The following MDN1 variants were observed in gnomAD, a reference collection of about 807,000 sequenced individuals.
MDN1 encodes the protein midasin.
A neutral mutation model predicts 669.2 loss-of-function variants in MDN1; 266 were observed. The observed-to-expected ratio is 0.40, with a 90% CI of 0.36 to 0.44. MDN1 has a LOEUF of 0.44. Ranked by LOEUF, MDN1 falls within the 20% of genes least tolerant of loss-of-function variation. MDN1 has a pLI of 1.00. For missense variants in MDN1, 5,940 were observed against 6,754.0 expected, an observed-to-expected ratio of 0.88 and a Z score of 4.22; for synonymous variants, 2,385 against 2,457.1, an observed-to-expected ratio of 0.97 and a Z score of 0.87.
chr6:89,740,888 T>C (rs1816256931), intron 31 of MDN1, among the ~76,000 whole-genome samples: 1 of 152,140 alleles, frequency 6.6e-6, no homozygotes, highest in South Asian at 2.1e-4. Context: ...TAATCAGAAA[T>C]TTAGTGTAAT....
intron 3 of MDN1, 106 bp downstream of exon 3, chr6:89,794,471 A>T (rs1819463237): frequency 1.7e-6 from 2 of 1,143,442 alleles, no homozygotes; most frequent in Admixed American, 4.7e-5. Context: ...AAGAACAAAA[A>T]TAACAAATTT....
chr6:89,660,221 T>G (rs12055871), intron 88 of MDN1, among the ~76,000 whole-genome samples: 26,438 of 152,140 alleles, frequency 0.17, 2,362 homozygotes, highest in East Asian at 0.22. Context: ...AGTCTCGTTC[T>G]GTCACCCAAG....
At position 89,714,740 on chromosome 6, in the gene MDN1, G is replaced by A. The variant is rs114056139; in HGVS notation, c.6872C>T (p.Ser2291Leu). Residue 2291 changes from serine (S) to leucine (L), a missense_variant, in exon 46 of 102, where the codon TCG becomes TTG. By Grantham distance (145) the Ser-to-Leu change is moderately radical. Transcript: ENST00000369393. ...TPNPNFRLFL[S>L]MDPVHGDISR... Reference sequence around the variant, plus strand: ...TATATCTCCATGAACAGGATCCATCGAGAGGAAAAGTCTAGAAAAATAGCA... The same window carrying A: ...TATATCTCCATGAACAGGATCCATCAAGAGGAAAAGTCTAGAAAAATAGCA... 36 of 1,603,816 alleles carry A rather than the reference G, an allele frequency of 2.2e-5. No homozygotes were observed. In the East Asian group the frequency reaches 4.5e-4, roughly 20 times the overall value.
intron 26 of MDN1, among the ~76,000 whole-genome samples, chr6:89,748,533 G>C (rs1401281839): frequency 6.6e-6 from 1 of 152,028 alleles, no homozygotes; most frequent in Non-Finnish European, 1.5e-5. Flanking sequence ...TTGACTAGGG[G>C]GAGCCACAAA....
In MDN1 at chr6:89,707,489, T is replaced by A; in HGVS notation, c.7899-13A>T. 1 of 1,484,122 alleles carries A rather than the reference T, an allele frequency of 6.7e-7. No individual in the cohort carries two copies. Among genetic ancestry groups the A allele is most frequent in the Admixed American group, 1.7e-5 (1 of 59,680 alleles). 91.9% of individuals were successfully genotyped at this position (1,484,122 alleles called of 1,614,324 possible). On this transcript the variant is annotated splice_polypyrimidine_tract_variant and intron_variant, in intron 51 of 101. Coordinates refer to ENST00000369393, the MANE Select transcript of MDN1 (RefSeq NM_014611.3). ...ATATATGATTGTCCTGGAATGAGAT[T>A]CAAAAAACGTAACAAATAGCTATCG... is the stretch of plus-strand genomic sequence containing the variant.
At position 89,732,611 on chromosome 6, in the gene MDN1, C is replaced by T. The variant is rs143417395; in HGVS notation, c.4888G>A (p.Val1630Met). 227 of 1,614,122 alleles carry T rather than the reference C, an allele frequency of 1.4e-4. No individual in the cohort carries two copies. In the African/African-American group the frequency reaches 2.7e-3, roughly 19 times the overall value. Residue 1630 changes from valine to methionine, a missense_variant, in exon 34 of 102, where the codon GTG becomes ATG. Around this residue, in one of 5 missense-constraint regions of MDN1, gnomAD observed 2,292 missense variants for 2,638.3 expected, o/e 0.87. Coordinates refer to ENST00000369393, the MANE Select transcript of MDN1 (RefSeq NM_014611.3). ...ALKRPEIIST[V>M]TSFVHAACLV... is the part of the protein sequence containing the mutation. ...CATGCAGCATGGACAAAAGATGTCA[C>T]AGTGGAGATGATCTCTGGCCTTTTC... is the stretch of plus-strand genomic sequence containing the variant.
intron 17 of MDN1, among the ~76,000 whole-genome samples, chr6:89,761,232 G>T (rs1044251060): frequency 2.6e-5 from 4 of 152,074 alleles, no homozygotes; most frequent in African/African-American, 9.7e-5. Flanking sequence ...TTCCCTTTGA[G>T]ATATATATTG....
intron 30 of MDN1, 45 bp downstream of exon 30, chr6:89,743,531 A>G (rs1349994963): frequency 1.9e-6 from 3 of 1,590,924 alleles, no homozygotes; most frequent in East Asian, 4.5e-5. Flanking sequence ...TGCACAGCTA[A>G]CTGCAGTTTT....
intron 33 of MDN1, among the ~76,000 whole-genome samples, chr6:89,735,314 A>G (rs1305514173): frequency 6.6e-6 from 1 of 150,506 alleles, no homozygotes; most frequent in Non-Finnish European, 1.5e-5. Context: ...AAAGCAGTTC[A>G]TGTGCCTTTC....
In MDN1 at chr6:89,655,854, G is replaced by A; in HGVS notation, c.15400C>T (p.Pro5134Ser). ...VDTDSHAEQG[P>S]AQQPQAQVED... ...ACCTGGGCCTGGGGCTGCTGAGCTG[G>A]CCCCTGCTCGGCATGGCTGTCCGTA... The change falls in exon 92 of 102, where the codon CCA (proline) becomes TCA (serine). Residue 5134 changes from proline to serine, a missense_variant. Pro to Ser is a moderately conservative substitution (Grantham distance 74). Around this residue, in one of 5 missense-constraint regions of MDN1, gnomAD observed 2,280 missense variants for 2,576.3 expected, o/e 0.88. Transcript: ENST00000369393. 1 of 1,614,076 alleles carries A rather than the reference G, an allele frequency of 6.2e-7. No homozygotes were observed. The highest frequency in any genetic ancestry group is 1.3e-5 in the African/African-American group (1 of 75,028).
At chr6:89,668,369 T>G (rs1810414379) in intron 83 of MDN1, among the ~76,000 whole-genome samples, 1 of 152,198 alleles carries the variant, frequency 6.6e-6, no homozygotes, top group African/African-American at 2.4e-5. Context: ...ATTTAACATA[T>G]GACTTGACTT....
rs139425471 is a variant in MDN1, at chr6:89,718,529, T to G, written c.6420A>C (p.Ala2140=). ...RDSLLISADD[A]EVVLRAWSHF... ...GACTCCAGGCTCGCAGCACTACTTC[T>G]GCATCATCAGCACTGATAAGGAGGC... The change falls in exon 43 of 102, where the codon GCA becomes GCC. Residue 2140 remains alanine, a synonymous_variant. Transcript: ENST00000369393. 1 of 1,614,178 alleles carries G rather than the reference T, an allele frequency of 6.2e-7. No homozygotes were observed. Among genetic ancestry groups the G allele is most frequent in the Non-Finnish European group, 8.5e-7 (1 of 1,180,038 alleles).
intron 55 of MDN1, 57 bp from the exon 56 acceptor site, chr6:89,700,913 G>A: frequency 3.5e-6 from 5 of 1,439,726 alleles, no homozygotes; most frequent in Non-Finnish European, 4.8e-6. Flanking sequence ...GTTTTCTTTA[G>A]TAGCCTATAC....
chr6:89,819,629 G>GC lies in MDN1; in HGVS notation c.-23dup. 2 of 1,588,446 alleles carry GC rather than the reference G, an allele frequency of 1.3e-6. No homozygotes were observed. The highest frequency in any genetic ancestry group is 1.7e-6 in the Non-Finnish European group (2 of 1,169,724). On this transcript the variant is annotated 5_prime_UTR_variant, in exon 1 of 102. Coordinates refer to ENST00000369393, the MANE Select transcript of MDN1 (RefSeq NM_014611.3). ...CCATGACCCAGGGCCCTCACCCCGA[G>GC]CGGCCACCTGCGCTCCCTACTTCGC...
At chr6:89,758,092 T>C (rs1584326717) in intron 19 of MDN1, among the ~76,000 whole-genome samples, 163 bp downstream of exon 19, 1 of 152,054 alleles carries the variant, frequency 6.6e-6, no homozygotes, top group Middle Eastern at 3.4e-3. Context: ...CATGCACCCA[T>C]AATCCCGGCT....
intron 100 of MDN1, 134 bp from the exon 101 acceptor site, chr6:89,645,291 T>C (rs907101597): frequency 1.1e-6 from 1 of 952,314 alleles, no homozygotes; most frequent in African/African-American, 1.6e-5. Context: ...CTAAAGCTGA[T>C]GAATTCTGGG....
intron 29 of MDN1, 114 bp downstream of exon 29, chr6:89,745,159 A>T: frequency 6.9e-6 from 8 of 1,152,144 alleles, no homozygotes; most frequent in Middle Eastern, 2.2e-4. Context: ...AAAAGAAAAA[A>T]GAGGAAGGAG....
rs937953083 is a variant in MDN1 at position 89,695,169 on chromosome 6, T to C, written c.9771+436A>G. Among the ~76,000 whole-genome samples, 3 of 152,082 alleles carry C rather than the reference T, an allele frequency of 2.0e-5. No individual in the cohort carries two copies. Among genetic ancestry groups the C allele is most frequent in the Admixed American group, 6.5e-5 (1 of 15,280 alleles). On this transcript the variant is annotated intron_variant, in intron 61 of 101. Transcript: ENST00000369393. The surrounding 1 kb of genome is among the most constrained non-coding windows in gnomAD (Gnocchi z 4.1). ...ATTGCTTGAACCCAGGAGGCAGAGG[T>C]TGCAGTGAGCCGAGATTGTGCCACT...
intron 80 of MDN1, 31 bp downstream of exon 80, chr6:89,673,204 CT>C: frequency 6.5e-7 from 1 of 1,547,148 alleles, no homozygotes; most frequent in Non-Finnish European, 8.9e-7. Context: ...CTACACTGGA[CT>C]TTCATTCCCT....
Sources: gnomAD v4.1 joint callset for allele counts (sites outside exome capture counted in the v4.1 genomes callset) on GRCh38, gnomAD v4.1.1 for gene constraint, gnomAD v4.1.1 regional missense constraint, Gnocchi (gnomAD v3.1) non-coding constraint, MANE v1.5 for transcripts, NCBI Gene and HGNC (gene_info 2026-07-23, HGNC 2026-07-21) for gene names.